The following LRRIQ1 variants were observed in gnomAD, a reference collection of about 807,000 sequenced individuals.
The protein encoded by LRRIQ1 is leucine rich repeats and IQ motif containing 1, also known as leucine-rich repeat- and IQ domain-containing protein 1.
In LRRIQ1, 210 loss-of-function variants were observed where a neutral mutation model predicts 211.9. The observed-to-expected ratio is 0.99, with a 90% CI of 0.89 to 1.11. LRRIQ1 has a LOEUF of 1.11. Among genes scored for constraint, LRRIQ1 ranks in the 50% most tolerant of loss-of-function variants. LRRIQ1 has a pLI of 0.00. For missense variants in LRRIQ1, 2,136 were observed against 1,939.5 expected, an observed-to-expected ratio of 1.10 and a Z score of -1.90; for synonymous variants, 699 against 650.1, an observed-to-expected ratio of 1.08 and a Z score of -1.14.
chr12:85,124,537 T>A lies in LRRIQ1; in HGVS notation c.4007+18T>A, dbSNP rs924684931. 2.6e-6 allele frequency: 4 copies of A among 1,560,692 alleles called. No individual in the cohort carries two copies. Among genetic ancestry groups the A allele is most frequent in the Non-Finnish European group, 3.5e-6 (4 of 1,139,906 alleles). On this transcript the variant is annotated intron_variant, in intron 17 of 26. Coordinates refer to ENST00000393217, the MANE Select transcript of LRRIQ1 (RefSeq NM_001079910.2). ...GAAAAAATGTAAGATATATAAATAA[T>A]GTTTCTTTTATAGATGTATGTTTAC...
chr12:85,226,033 T>C (rs956006689), intron 24 of LRRIQ1, among the ~76,000 whole-genome samples: 1 of 152,176 alleles, frequency 6.6e-6, no homozygotes, highest in Non-Finnish European at 1.5e-5. Context: ...ATTTATGCCT[T>C]GGGGTTAAAA....
At chr12:85,180,148 C>A (rs1039117693) in intron 24 of LRRIQ1, among the ~76,000 whole-genome samples, 1 of 151,910 alleles carries the variant, frequency 6.6e-6, no homozygotes, top group Non-Finnish European at 1.5e-5. Flanking sequence ...CCTGTCTCAA[C>A]CACCTCTGAG....
intron 24 of LRRIQ1, among the ~76,000 whole-genome samples, chr12:85,161,921 T>A (rs998644617): frequency 6.6e-6 from 1 of 151,890 alleles, no homozygotes. Context: ...GCTCCTGTAG[T>A]CCCAGCTACT....
At chr12:85,143,938 A>T (rs1279154335) in intron 19 of LRRIQ1, among the ~76,000 whole-genome samples, 1 of 151,580 alleles carries the variant, frequency 6.6e-6, no homozygotes, top group Non-Finnish European at 1.5e-5. Flanking sequence ...TTTTAGTTTC[A>T]GGGGTACATG....
downstream of LRRIQ1, among the ~76,000 whole-genome samples, chr12:85,268,398 C>G (rs1896466631): frequency 6.6e-6 from 1 of 151,932 alleles, no homozygotes; most frequent in Admixed American, 6.6e-5. Flanking sequence ...ACTCCTTATG[C>G]AATGCTCTAT....
Position 85,056,135 on chromosome 12 carries a change from A to C in LRRIQ1, c.1342A>C (p.Lys448Gln). The change falls in exon 8 of 27, where the codon AAA (lysine) becomes CAA (glutamine). Residue 448 changes from lysine (K) to glutamine (Q), a missense_variant. By Grantham distance (53) the Lys-to-Gln change is moderately conservative (BLOSUM62 1). Transcript: ENST00000393217. Reference sequence around the variant, plus strand: ...TTGGCTAGTTGAGGAATCAAATATGAAAGAAAATGTAGATAGACAGACTAT... The same window carrying C: ...TTGGCTAGTTGAGGAATCAAATATGCAAGAAAATGTAGATAGACAGACTAT... ...LLWLVEESNMKENVDRQTILK... is the reference protein window; with the variant it reads ...LLWLVEESNMQENVDRQTILK... The C allele has an allele frequency of 6.3e-7, 1 of 1,599,530 alleles. No individual in the cohort carries two copies. Among genetic ancestry groups the C allele is most frequent in the South Asian group, 1.1e-5 (1 of 87,172 alleles).
intron 19 of LRRIQ1, among the ~76,000 whole-genome samples, chr12:85,142,995 T>A (rs1889649187): frequency 6.6e-6 from 1 of 151,646 alleles, no homozygotes; most frequent in East Asian, 1.9e-4. Context: ...CTGGGTCATA[T>A]GACAGTTCTA....
At chr12:85,205,011 G>A (rs185962628) in intron 24 of LRRIQ1, among the ~76,000 whole-genome samples, 2 of 152,128 alleles carry the variant, frequency 1.3e-5, no homozygotes, top group African/African-American at 2.4e-5. Context: ...GAGGGCCTAG[G>A]TGTGAGATAA....
intron 26 of LRRIQ1, among the ~76,000 whole-genome samples, chr12:85,233,293 T>C (rs554922600): frequency 6.6e-6 from 1 of 152,008 alleles, no homozygotes; most frequent in South Asian, 2.1e-4. Context: ...TATATGCTAC[T>C]AGATAAGCAG....
intron 15 of LRRIQ1, among the ~76,000 whole-genome samples, chr12:85,117,173 A>T (rs1040738313): frequency 2.0e-5 from 3 of 152,206 alleles, no homozygotes; most frequent in East Asian, 3.9e-4. Flanking sequence ...ATAGAGAGTG[A>T]ATAAGAAGCA....
Position 85,229,570 on chromosome 12 carries a change from C to A in LRRIQ1, c.4876C>A (p.Arg1626=), listed in dbSNP as rs1395676. 3.5e-3 allele frequency: 5,659 copies of A among 1,611,752 alleles called. 187 individuals are homozygous for A. In the African/African-American group the frequency reaches 0.068, roughly 19 times the overall value. The change falls in exon 25 of 27, where the codon CGG becomes AGG. Residue 1626 remains arginine, a synonymous_variant. Transcript: ENST00000393217. ...TACCACTGCAAATGAAAAATTAGAACGGAATAGAGAATATACATACCAATG... is the reference window on the plus strand; with the variant it reads ...TACCACTGCAAATGAAAAATTAGAAAGGAATAGAGAATATACATACCAATG... ...KDTTANEKLE[R]NREYTYQWLH...
chr12:85,058,785 G>C (rs1881438963), intron 8 of LRRIQ1, among the ~76,000 whole-genome samples: 2 of 151,930 alleles, frequency 1.3e-5, no homozygotes. Context: ...CAATAGGTCT[G>C]GTGATCCACC....
intron 14 of LRRIQ1, among the ~76,000 whole-genome samples, chr12:85,105,883 A>G (rs1373222515): frequency 7.0e-6 from 1 of 143,800 alleles, no homozygotes; most frequent in Non-Finnish European, 1.5e-5. Context: ...TGCAACCTCC[A>G]TCTCCCGGGT....
At chr12:85,121,573 C>T (rs2136424792) in intron 15 of LRRIQ1, 124 bp from the exon 16 acceptor site, 2 of 654,162 alleles carry the variant, frequency 3.1e-6, no homozygotes, top group East Asian at 6.8e-5. Flanking sequence ...ATTTTCCCTA[C>T]AGTCACATTT....
At chr12:85,270,813 A>G in the LRRIQ1 span, among the ~76,000 whole-genome samples, 1 of 152,154 alleles carries the variant, frequency 6.6e-6, no homozygotes. Context: ...ATAACATTGA[A>G]TCAGAATCTC....
downstream of LRRIQ1, among the ~76,000 whole-genome samples, chr12:85,266,772 T>C (rs1446771027): frequency 6.6e-6 from 1 of 152,146 alleles, no homozygotes. Context: ...GAGTGAGAAC[T>C]TACTTGCTAG....
chr12:85,218,628 C>T (rs1351966602), intron 24 of LRRIQ1, among the ~76,000 whole-genome samples: 1 of 152,040 alleles, frequency 6.6e-6, no homozygotes, highest in Non-Finnish European at 1.5e-5. Flanking sequence ...CCTAGTTTTA[C>T]AGACTGAATT....
intron 16 of LRRIQ1, among the ~76,000 whole-genome samples, chr12:85,122,138 G>A (rs1008183227): frequency 6.6e-6 from 1 of 152,050 alleles, no homozygotes; most frequent in African/African-American, 2.4e-5. Flanking sequence ...ATCAAGACAA[G>A]AGGCAAAAAT....
chr12:85,140,853 A>G (rs1268236015), intron 19 of LRRIQ1, among the ~76,000 whole-genome samples: 1 of 151,280 alleles, frequency 6.6e-6, no homozygotes, highest in Non-Finnish European at 1.5e-5. Flanking sequence ...GATTTTATCA[A>G]ATACTTCTTA....
Sources: allele counts gnomAD v4.1 joint callset (sites outside exome capture counted in the v4.1 genomes callset), GRCh38; gene constraint gnomAD v4.1.1; transcripts MANE v1.5; gene names NCBI Gene and HGNC (gene_info 2026-07-23, HGNC 2026-07-21).